The following NRP1 variants were observed in gnomAD, a reference collection of about 807,000 sequenced individuals.
NRP1 encodes neuropilin 1.
Under a neutral mutation model 106.7 loss-of-function variants are expected in NRP1, and 35 were observed. The observed-to-expected ratio is 0.33, with a 90% CI of 0.25 to 0.43. NRP1 has a LOEUF of 0.43. NRP1 is among the 20% of genes least tolerant of loss of function. NRP1 has a pLI of 1.00. For synonymous variants in NRP1, 437 were observed against 417.9 expected, an observed-to-expected ratio of 1.05 and a Z score of -0.56; for missense variants, 1,024 against 1,170.4, an observed-to-expected ratio of 0.87 and a Z score of 1.83.
In NRP1 at chr10:33,177,937, G is replaced by C. The variant is rs1835470352; in HGVS notation, c.*2139C>G. 1 of 152,470 alleles carries C rather than the reference G, an allele frequency of 6.6e-6. No individual in the cohort carries two copies. Among genetic ancestry groups the C allele is most frequent in the African/African-American group, 2.4e-5 (1 of 41,368 alleles). 9.4% of individuals were successfully genotyped at this position (152,470 alleles called of 1,614,324 possible). ...ATATAATTTTTAAATATATTTATCA[G>C]TGCAAGATACTTTAAATTTTAAAGT... On this transcript the variant is annotated 3_prime_UTR_variant, in exon 17 of 17. Coordinates refer to ENST00000374867, the MANE Select transcript of NRP1 (RefSeq NM_003873.7).
At chr10:33,182,527 A>G (rs1180185121) in intron 16 of NRP1, among the ~76,000 whole-genome samples, 171 bp downstream of exon 16, 1 of 152,092 alleles carries the variant, frequency 6.6e-6, no homozygotes, top group Non-Finnish European at 1.5e-5. Context: ...GGAAGTGGGT[A>G]CTCTGTGAGC....
At chr10:33,181,025 T>A (rs992045762) in intron 16 of NRP1, among the ~76,000 whole-genome samples, 6 of 152,206 alleles carry the variant, frequency 3.9e-5, no homozygotes, top group African/African-American at 1.4e-4. Context: ...CATTTACTAA[T>A]AATCAGCATC....
At chr10:33,322,617 A>G (rs1847596618) in intron 2 of NRP1, among the ~76,000 whole-genome samples, 1 of 152,114 alleles carries the variant, frequency 6.6e-6, no homozygotes, top group Non-Finnish European at 1.5e-5. Flanking sequence ...TCCTGGCCTC[A>G]AGCAATCCTC....
At chr10:33,279,683 C>T (rs185362964) in intron 2 of NRP1, among the ~76,000 whole-genome samples, 1 of 152,060 alleles carries the variant, frequency 6.6e-6, no homozygotes, top group African/African-American at 2.4e-5. Context: ...ATATGAGGGG[C>T]TGCGGATCTT....
In NRP1 at chr10:33,221,754, G is replaced by C. The variant is rs369312020; in HGVS notation, c.1247C>G (p.Ser416Cys). 1 of 1,614,094 alleles carries C rather than the reference G, an allele frequency of 6.2e-7. No homozygotes were observed. Among genetic ancestry groups the C allele is most frequent in the Non-Finnish European group, 8.5e-7 (1 of 1,179,994 alleles). The change falls in exon 8 of 17, where the codon TCT becomes TGT. Residue 416 changes from serine (S) to cysteine (C), a missense_variant. Ser to Cys is a moderately radical substitution (Grantham distance 112, BLOSUM62 -1). Transcript: ENST00000374867. ...GCAACCGTATACTTCAAATCTCATA[G>C]ATATGCCAGTTTCCCAAGTTGCAGG... ...IKPATWETGISMRFEVYGCKI... is the reference protein window; with the variant it reads ...IKPATWETGICMRFEVYGCKI...
chr10:33,187,297 G>A (rs1276689365), intron 13 of NRP1, among the ~76,000 whole-genome samples: 1 of 152,222 alleles, frequency 6.6e-6, no homozygotes, highest in Non-Finnish European at 1.5e-5. Flanking sequence ...TCTGATTAAT[G>A]AAATTTCTGT....
chr10:33,203,886 G>A (rs1272629977), intron 10 of NRP1, among the ~76,000 whole-genome samples: 6 of 115,164 alleles, frequency 5.2e-5, no homozygotes, highest in Non-Finnish European at 1.2e-4. Flanking sequence ...GACTACAGGC[G>A]CCCGCCACCG....
At chr10:33,294,857 TAAC>T (rs781679644) in intron 2 of NRP1, among the ~76,000 whole-genome samples, 22 of 152,080 alleles carry the variant, frequency 1.4e-4, no homozygotes, top group Non-Finnish European at 2.6e-4. Flanking sequence ...CCCTTTTGAT[TAAC>T]AACAAACACA....
At chr10:33,280,293 C>T (rs565320039) in intron 2 of NRP1, among the ~76,000 whole-genome samples, 26 of 152,204 alleles carry the variant, frequency 1.7e-4, no homozygotes, top group Non-Finnish European at 2.5e-4. Context: ...TCATTTTAAA[C>T]GGAAGGGAAG....
intron 7 of NRP1, among the ~76,000 whole-genome samples, chr10:33,225,788 C>A (rs892356533): frequency 1.3e-5 from 2 of 152,016 alleles, no homozygotes; most frequent in Admixed American, 6.6e-5. Context: ...ATGAAGAAAT[C>A]GAGGGGGGAA....
intron 6 of NRP1, among the ~76,000 whole-genome samples, chr10:33,232,518 A>G (rs1458184276): frequency 3.3e-5 from 5 of 151,414 alleles, no homozygotes; most frequent in Admixed American, 3.3e-4. Flanking sequence ...ATTGTTGAAC[A>G]TTTCCCTCTG....
chr10:33,254,822 C>T (rs1842091506), intron 5 of NRP1, among the ~76,000 whole-genome samples: 1 of 152,146 alleles, frequency 6.6e-6, no homozygotes, highest in Admixed American at 6.5e-5. Context: ...CAAAGCACCA[C>T]AGTTTTAGAG....
In NRP1 at chr10:33,330,709, T is replaced by C. The variant is rs775797226; in HGVS notation, c.247A>G (p.Lys83Glu). ...PHFDLEDRDC[K>E]YDYVEVFDGE... The stretch of plus-strand genomic sequence containing the variant: ...CTGTTCAAAAACATTCCCACTTACT[T>C]GCAGTCTCTGTCCTCCAAATCGAAG... Residue 83 changes from lysine (K) to glutamate (E), a missense_variant and splice_region_variant, in exon 2 of 17, where the codon AAG becomes GAG. By Grantham distance (56) the Lys-to-Glu change is moderately conservative. Coordinates refer to ENST00000374867, the MANE Select transcript of NRP1 (RefSeq NM_003873.7). 12 of 1,610,616 alleles carry C rather than the reference T, an allele frequency of 7.5e-6. No homozygotes were observed. The highest frequency in any genetic ancestry group is 1.0e-5 in the Non-Finnish European group (12 of 1,177,556).
chr10:33,239,318 C>T (rs935708582), intron 6 of NRP1, among the ~76,000 whole-genome samples: 17 of 151,970 alleles, frequency 1.1e-4, no homozygotes, highest in Non-Finnish European at 2.9e-5. Flanking sequence ...TTCTTCACTT[C>T]AGATTCACCT....
rs772205833 is a variant in NRP1, at chr10:33,180,107, A to C, written c.2741T>G (p.Leu914Arg). The C allele has an allele frequency of 1.9e-6, 3 of 1,614,048 alleles. No individual in the cohort carries two copies. The highest frequency in any genetic ancestry group is 2.5e-6 in the Non-Finnish European group (3 of 1,180,012). ...CTCCGAATAAGTACTCTGTGTATTC[A>C]GTTTGTCTTTTTTCAACTTCACACC... The part of the protein sequence containing the change: ...VDGVKLKKDK[L>R]NTQSTYSEA The change falls in exon 17 of 17, where the codon CTG becomes CGG. Residue 914 changes from leucine (L) to arginine (R), a missense_variant. By Grantham distance (102) the Leu-to-Arg change is moderately radical. Around this residue, in one of 5 missense-constraint regions of NRP1, gnomAD observed 164 missense variants for 161.4 expected, o/e 1.02. Transcript: ENST00000374867.
In NRP1 at chr10:33,334,488, G is replaced by A. The variant is rs945580406; in HGVS notation, c.-106C>T. Reference sequence around the variant, plus strand: ...ATCCGAAGAGCCCCAACTCCGCCTAGAGCTGTACAATCCTCAGCCCGTCTT... The same window carrying A: ...ATCCGAAGAGCCCCAACTCCGCCTAAAGCTGTACAATCCTCAGCCCGTCTT... On this transcript the variant is annotated 5_prime_UTR_variant, in exon 1 of 17. Transcript: ENST00000374867. 4 of 966,690 alleles carry A rather than the reference G, an allele frequency of 4.1e-6. No individual in the cohort carries two copies. The African/African-American group carries it at 4.9e-5, about 12-fold the overall frequency. 59.9% of individuals were successfully genotyped at this position (966,690 alleles called of 1,614,324 possible).
intron 2 of NRP1, among the ~76,000 whole-genome samples, chr10:33,294,617 CAA>C (rs11403961): frequency 2.7e-5 from 3 of 112,004 alleles, no homozygotes; most frequent in African/African-American, 8.0e-5. Context: ...AACTCCGTCT[CAA>C]AAAAAAAAAA....
rs1396890390 is a variant in NRP1, at chr10:33,180,195, G to A, written c.2653C>T (p.His885Tyr). Residue 885 changes from histidine (H) to tyrosine (Y), a missense_variant, in exon 17 of 17, where the codon CAT becomes TAT. His to Tyr is a moderately conservative substitution (Grantham distance 83, BLOSUM62 2). Around this residue, in one of 5 missense-constraint regions of NRP1, gnomAD observed 164 missense variants for 161.4 expected, o/e 1.02. Coordinates refer to ENST00000374867, the MANE Select transcript of NRP1 (RefSeq NM_003873.7). ...AAGTTTCTTTCTGACATCCCATTAT[G>A]CCAACAGGCACAGTACAGCACGACC... ...CGVVLYCACW[H>Y]NGMSERNLSA... The A allele has an allele frequency of 6.2e-6, 10 of 1,614,038 alleles. No individual in the cohort carries two copies. Among genetic ancestry groups the A allele is most frequent in the Non-Finnish European group, 8.5e-6 (10 of 1,180,022 alleles).
chr10:33,300,498 A>C (rs1468095157), intron 2 of NRP1, among the ~76,000 whole-genome samples: 1 of 152,100 alleles, frequency 6.6e-6, no homozygotes, highest in African/African-American at 2.4e-5. Flanking sequence ...ATCTGACAGG[A>C]GGATGCTGCA....
Sources: gnomAD v4.1 joint callset for allele counts (sites outside exome capture counted in the v4.1 genomes callset) on GRCh38, gnomAD v4.1.1 for gene constraint, gnomAD v4.1.1 regional missense constraint, MANE v1.5 for transcripts, NCBI Gene and HGNC (gene_info 2026-07-23, HGNC 2026-07-21) for gene names.